Variants in UBA6 observed in about 807,000 individuals in gnomAD.
The protein encoded by UBA6 is ubiquitin-like modifier-activating enzyme 6.
A neutral mutation model predicts 148.3 loss-of-function variants in UBA6; 87 were observed. The ratio of observed to expected loss-of-function variants is 0.59; its 90% CI spans 0.49 to 0.70. The LOEUF is 0.70. Among genes scored for constraint, UBA6 ranks in the 30% least tolerant of loss-of-function variants. UBA6 has a pLI of 0.00. For missense variants in UBA6, 1,186 were observed against 1,241.2 expected (o/e 0.96, Z 0.67); for synonymous variants, 376 against 401.0 (o/e 0.94, Z 0.75).
chr4:67,618,988 C>A lies in UBA6; in HGVS notation c.*9G>T, dbSNP rs1728690221. ...AAGTGGTCCTGGAGTAACGTTAAGA[C>A]AACTTGTATTAATCAGTGTCATGAC... On this transcript the variant is annotated 3_prime_UTR_variant, in exon 33 of 33. Coordinates refer to ENST00000322244, the MANE Select transcript of UBA6 (RefSeq NM_018227.6). 1 of 1,611,474 alleles carries A rather than the reference C, an allele frequency of 6.2e-7. No homozygotes were observed. The highest frequency in any genetic ancestry group is 8.5e-7 in the Non-Finnish European group (1 of 1,179,340).
chr4:67,671,960 AC>A lies in UBA6; in HGVS notation c.547-1369del, dbSNP rs1169217698. Among the ~76,000 whole-genome samples the A allele has an allele frequency of 3.3e-5, 5 of 152,058 alleles. No individual in the cohort carries two copies. The South Asian group carries it at 6.2e-4, about 19-fold the overall frequency. On this transcript the variant is annotated intron_variant, in intron 7 of 32. Transcript: ENST00000322244. ...CTTTACAACTCACACTCATCTATCT[AC>A]AAGTTCTGTTAGGCCCCCACCCCAC...
chr4:67,626,585 A>C, intron 27 of UBA6, 108 bp from the exon 28 acceptor site: 1 of 693,262 alleles, frequency 1.4e-6, no homozygotes. Flanking sequence ...TTCTCTATAT[A>C]TTTTGATCAG....
intron 27 of UBA6, 72 bp downstream of exon 27, chr4:67,628,999 G>A (rs1263504664): frequency 5.8e-6 from 6 of 1,040,476 alleles, no homozygotes; most frequent in Non-Finnish European, 9.1e-6. Flanking sequence ...ATATTCTCCA[G>A]GTTTAGAATG....
At chr4:67,680,847 T>C (rs911992697) in intron 4 of UBA6, among the ~76,000 whole-genome samples, 8 of 152,174 alleles carry the variant, frequency 5.3e-5, no homozygotes, top group Non-Finnish European at 1.2e-4. Context: ...GAGAAAGCCA[T>C]ACAAGCAAGG....
At chr4:67,635,008 G>GT (rs1440694749) in intron 20 of UBA6, among the ~76,000 whole-genome samples, 1 of 151,978 alleles carries the variant, frequency 6.6e-6, no homozygotes, top group Non-Finnish European at 1.5e-5. Flanking sequence ...TACCTAAGTC[G>GT]TTTTTTGTGG....
At position 67,645,900 on chromosome 4, in the gene UBA6, A is replaced by T. The variant is rs1385365885; in HGVS notation, c.1395+38T>A. 4 of 1,267,454 alleles carry T rather than the reference A, an allele frequency of 3.2e-6. No homozygotes were observed. In the South Asian group the frequency reaches 3.9e-5, roughly 12 times the overall value. 78.5% of individuals were successfully genotyped at this position (1,267,454 alleles called of 1,614,324 possible). A position where few individuals can be genotyped will look rare whatever the true frequency, so the allele number is the denominator to read the frequency against. ...ATGAATTAAGTTGATATACGATAGC[A>T]GTTTGAACATACTATTCCCATGATT... On this transcript the variant is annotated intron_variant, in intron 16 of 32. Transcript: ENST00000322244.
intron 19 of UBA6, among the ~76,000 whole-genome samples, chr4:67,635,966 T>G (rs1729129174): frequency 6.6e-6 from 1 of 152,198 alleles, no homozygotes. Flanking sequence ...ATTTTTATTT[T>G]TTAAAGTTTT....
chr4:67,674,276 C>T (rs970038232), intron 6 of UBA6, among the ~76,000 whole-genome samples: 13 of 152,114 alleles, frequency 8.5e-5, no homozygotes, highest in Non-Finnish European at 2.9e-5. Flanking sequence ...CCTCCATGGG[C>T]CTCTCAGTCT....
At chr4:67,646,509 T>C (rs1028268747) in intron 15 of UBA6, among the ~76,000 whole-genome samples, 1 of 152,204 alleles carries the variant, frequency 6.6e-6, no homozygotes. Flanking sequence ...ATGCTAACCA[T>C]TCTCATGGGA....
intron 32 of UBA6, among the ~76,000 whole-genome samples, chr4:67,619,350 G>A (rs987621603): frequency 1.3e-5 from 2 of 152,122 alleles, no homozygotes; most frequent in African/African-American, 4.8e-5. Context: ...TGGACACACT[G>A]GTCATGATAA....
chr4:67,644,587 T>C, intron 17 of UBA6, 111 bp downstream of exon 17: 1 of 619,744 alleles, frequency 1.6e-6, no homozygotes, highest in Non-Finnish European at 2.9e-6. Flanking sequence ...ATTTTTAGTT[T>C]AATGCTCTAT....
intron 1 of UBA6, among the ~76,000 whole-genome samples, chr4:67,696,986 T>C (rs1730855915): frequency 6.6e-6 from 1 of 152,074 alleles, no homozygotes; most frequent in East Asian, 1.9e-4. Context: ...ATATATATTT[T>C]GTTGTTGTTG....
At chr4:67,688,553 A>G (rs1560502307) in intron 2 of UBA6, among the ~76,000 whole-genome samples, 1 of 152,146 alleles carries the variant, frequency 6.6e-6, no homozygotes, top group Admixed American at 6.5e-5. Context: ...AGAACTCAGA[A>G]TACCATCAGA....
chr4:67,694,215 C>CAAAAAAAAAAAAAAA (rs769649769), intron 2 of UBA6, among the ~76,000 whole-genome samples: 13 of 41,852 alleles, frequency 3.1e-4, no homozygotes, highest in East Asian at 1.7e-3. Context: ...GACTCCATCT[C>CAAAAAAAAAAAAAAA]AAAAAAAAAA....
intron 2 of UBA6, among the ~76,000 whole-genome samples, chr4:67,693,136 A>T (rs1035659334): frequency 2.6e-5 from 4 of 151,884 alleles, no homozygotes; most frequent in Non-Finnish European, 4.4e-5. Flanking sequence ...ACCTCTTTTG[A>T]TTCTGCCACC....
chr4:67,627,391 C>G (rs1375369665), intron 27 of UBA6, among the ~76,000 whole-genome samples: 1 of 151,856 alleles, frequency 6.6e-6, no homozygotes. Context: ...TGTGAAAAAG[C>G]CCACAGTTCA....
At chr4:67,694,261 A>C (rs1433957807) in intron 2 of UBA6, among the ~76,000 whole-genome samples, 10 of 141,156 alleles carry the variant, frequency 7.1e-5, no homozygotes, top group African/African-American at 7.8e-5. Flanking sequence ...ATACAAAACT[A>C]CCAAATCTTC....
intron 14 of UBA6, 24 bp from the exon 15 acceptor site, chr4:67,646,815 C>G (rs1234324859): frequency 7.3e-6 from 11 of 1,508,260 alleles, no homozygotes; most frequent in Non-Finnish European, 1.0e-5. Context: ...ATTAAAAACA[C>G]AATTATTATG....
chr4:67,641,904 T>C (rs954684731), intron 17 of UBA6, among the ~76,000 whole-genome samples: 1 of 152,140 alleles, frequency 6.6e-6, no homozygotes, highest in Non-Finnish European at 1.5e-5. Flanking sequence ...CTCAAGATCA[T>C]CTGAAGAGTA....
Sources: allele counts gnomAD v4.1 joint callset (sites outside exome capture counted in the v4.1 genomes callset), GRCh38; gene constraint gnomAD v4.1.1; transcripts MANE v1.5; gene names NCBI Gene and HGNC (gene_info 2026-07-23, HGNC 2026-07-21).